The following CYP7B1 variants were observed in gnomAD, a reference collection of about 807,000 sequenced individuals.
CYP7B1 encodes the protein cytochrome P450 7B1.
A neutral mutation model predicts 42.7 loss-of-function variants in CYP7B1; 29 were observed. That is an observed-to-expected ratio of 0.68 (90% CI 0.51 to 0.93). CYP7B1 has a LOEUF of 0.93. Among genes scored for constraint, CYP7B1 ranks in the 40% least tolerant of loss-of-function variants. The pLI, the probability that CYP7B1 is intolerant of heterozygous loss-of-function variation, is 0.00. For missense variants in CYP7B1, 655 were observed against 600.5 expected, an observed-to-expected ratio of 1.09 and a Z score of -0.95; for synonymous variants, 235 against 218.2, an observed-to-expected ratio of 1.08 and a Z score of -0.68.
At chr8:64,710,001 G>A (rs1426515565) in intron 1 of CYP7B1, among the ~76,000 whole-genome samples, 8 of 151,906 alleles carry the variant, frequency 5.3e-5, no homozygotes, top group African/African-American at 1.2e-4. Flanking sequence ...AGGCCATATC[G>A]AGAACAGTTC....
At chr8:64,635,608 C>G (rs1237771984) in intron 1 of CYP7B1, among the ~76,000 whole-genome samples, 1 of 152,244 alleles carries the variant, frequency 6.6e-6, no homozygotes, top group Non-Finnish European at 1.5e-5. Flanking sequence ...AAGATATTCA[C>G]TGTTCAAGCA....
Position 64,735,310 on chromosome 8 carries a change from G to A in CYP7B1, c.122+63156C>T, listed in dbSNP as rs144135766. 2.7e-4 allele frequency among the ~76,000 whole-genome samples: 41 copies of A among 152,202 alleles called. No individual in the cohort carries two copies. In the East Asian group the frequency reaches 7.3e-3, roughly 27 times the overall value. Reference sequence around the variant, plus strand: ...TTTGAGAAATCACAGACACAGGAGAGGGTCAAAAACAGAGTAGAAGTTACC... The same window carrying A: ...TTTGAGAAATCACAGACACAGGAGAAGGTCAAAAACAGAGTAGAAGTTACC... On this transcript the variant is annotated intron_variant, in intron 1 of 5. Transcript: ENST00000310193.
intron 1 of CYP7B1, among the ~76,000 whole-genome samples, chr8:64,688,104 T>C (rs935073896): frequency 3.0e-4 from 46 of 152,224 alleles, no homozygotes; most frequent in African/African-American, 1.1e-3. Flanking sequence ...TGTTTCAGCA[T>C]AAAACACTTT....
At chr8:64,650,689 G>A (rs1312318802) in intron 1 of CYP7B1, among the ~76,000 whole-genome samples, 2 of 152,126 alleles carry the variant, frequency 1.3e-5, no homozygotes, top group African/African-American at 4.8e-5. Context: ...TATGCCACAG[G>A]TAAAATCCTT....
At chr8:64,767,856 G>A (rs1804132550) in intron 1 of CYP7B1, among the ~76,000 whole-genome samples, 1 of 152,104 alleles carries the variant, frequency 6.6e-6, no homozygotes, top group African/African-American at 2.4e-5. Flanking sequence ...ATCTACCGCA[G>A]ACCCCTGGAC....
downstream of CYP7B1, among the ~76,000 whole-genome samples, chr8:64,590,774 T>G (rs1805023175): frequency 6.6e-6 from 1 of 152,188 alleles, no homozygotes; most frequent in Non-Finnish European, 1.5e-5. Context: ...ATTTTCCAAA[T>G]AATTTTCTTT....
chr8:64,668,433 C>T (rs9298088), intron 1 of CYP7B1, among the ~76,000 whole-genome samples: 75,568 of 151,734 alleles, frequency 0.5, 20,168 homozygotes, highest in Non-Finnish European at 0.58. Context: ...AGCAGGTTTA[C>T]ATATCTGTTT....
chr8:64,610,677 G>C (rs1253964069), intron 4 of CYP7B1, among the ~76,000 whole-genome samples: 2 of 151,900 alleles, frequency 1.3e-5, no homozygotes, highest in Admixed American at 6.6e-5. Context: ...ATACCCACAA[G>C]ATTCTAATGT....
intron 1 of CYP7B1, among the ~76,000 whole-genome samples, chr8:64,761,492 G>C (rs1308919020): frequency 6.6e-6 from 1 of 151,840 alleles, no homozygotes; most frequent in Non-Finnish European, 1.5e-5. Flanking sequence ...ATAAAGCTTG[G>C]GGGGAGGGGA....
At chr8:64,714,068 C>T (rs2356981) in intron 1 of CYP7B1, among the ~76,000 whole-genome samples, 2 of 152,152 alleles carry the variant, frequency 1.3e-5, no homozygotes, top group African/African-American at 4.8e-5. Context: ...TGTTGGCATG[C>T]TCAATGTCGC....
intron 1 of CYP7B1, among the ~76,000 whole-genome samples, chr8:64,752,822 C>A (rs1807748933): frequency 6.6e-6 from 1 of 152,134 alleles, no homozygotes; most frequent in Non-Finnish European, 1.5e-5. Flanking sequence ...ATCTGAGAAA[C>A]TTCTGCACTT....
At chr8:64,784,379 G>A (rs1804486203) in intron 1 of CYP7B1, among the ~76,000 whole-genome samples, 1 of 152,146 alleles carries the variant, frequency 6.6e-6, no homozygotes, top group Non-Finnish European at 1.5e-5. Context: ...TTCACTAGTT[G>A]AGAACTACTG....
intron 1 of CYP7B1, among the ~76,000 whole-genome samples, chr8:64,625,163 G>C (rs1416966982): frequency 6.6e-6 from 1 of 150,620 alleles, no homozygotes; most frequent in East Asian, 1.9e-4. Context: ...TTAGTAGAGA[G>C]GGGGTTTCAC....
intron 1 of CYP7B1, among the ~76,000 whole-genome samples, chr8:64,685,228 G>A (rs999119431): frequency 6.6e-6 from 1 of 150,538 alleles, no homozygotes; most frequent in African/African-American, 2.4e-5. Flanking sequence ...AGGGCAAGGA[G>A]CAGCCGCCTG....
intron 1 of CYP7B1, among the ~76,000 whole-genome samples, chr8:64,632,507 T>C (rs972806008): frequency 6.6e-6 from 1 of 152,122 alleles, no homozygotes; most frequent in South Asian, 2.1e-4. Context: ...CTGTACAACA[T>C]TGTATGTATA....
intron 1 of CYP7B1, among the ~76,000 whole-genome samples, chr8:64,779,783 C>T (rs866241601): frequency 5.3e-5 from 8 of 152,106 alleles, no homozygotes; most frequent in East Asian, 1.9e-4. Flanking sequence ...AGTGTACTAA[C>T]GACCAAATGT....
intron 1 of CYP7B1, among the ~76,000 whole-genome samples, chr8:64,796,533 T>G (rs1294319240): frequency 6.6e-6 from 1 of 152,170 alleles, no homozygotes; most frequent in African/African-American, 2.4e-5. Flanking sequence ...TAACATAAAT[T>G]GAGACTTAGA....
At chr8:64,682,338 C>T (rs1272241131) in intron 1 of CYP7B1, among the ~76,000 whole-genome samples, 1 of 152,168 alleles carries the variant, frequency 6.6e-6, no homozygotes, top group Non-Finnish European at 1.5e-5. Context: ...TAAGACTCAT[C>T]CTACAGACAA....
At position 64,595,855 on chromosome 8, in the gene CYP7B1, T is replaced by C. The variant is rs1805109591; in HGVS notation, c.*787A>G. 6.6e-6 allele frequency among the ~76,000 whole-genome samples: 1 copy of C among 152,222 alleles called. No individual in the cohort carries two copies. The highest frequency in any genetic ancestry group is 1.5e-5 in the Non-Finnish European group (1 of 68,042). On this transcript the variant is annotated 3_prime_UTR_variant, in exon 6 of 6. Transcript: ENST00000310193. Reference sequence around the variant, plus strand: ...TAGTTTATACTAAAGCCAAATGATATAATCAATGCTGTAATTATTTCAACA... The same window carrying C: ...TAGTTTATACTAAAGCCAAATGATACAATCAATGCTGTAATTATTTCAACA...
Sources: gnomAD v4.1 joint callset for allele counts (sites outside exome capture counted in the v4.1 genomes callset) on GRCh38, gnomAD v4.1.1 for gene constraint, MANE v1.5 for transcripts, NCBI Gene and HGNC (gene_info 2026-07-23, HGNC 2026-07-21) for gene names.